MAPK8: variants seen among roughly 807,000 people sequenced by gnomAD.
The protein encoded by MAPK8 is mitogen-activated protein kinase 8.
MAPK8 carries 13 observed loss-of-function variants against 52.9 expected under a neutral mutation model. The ratio of observed to expected loss-of-function variants is 0.25; its 90% CI spans 0.16 to 0.39. The LOEUF is 0.39. Among genes scored for constraint, MAPK8 ranks in the 10% least tolerant of loss-of-function variants. MAPK8 has a pLI of 1.00. For missense variants in MAPK8, 300 were observed against 519.2 expected, an observed-to-expected ratio of 0.58 and a Z score of 4.10; for synonymous variants, 191 against 169.8, an observed-to-expected ratio of 1.12 and a Z score of -0.97.
intron 11 of MAPK8, among the ~76,000 whole-genome samples, chr10:48,431,728 T>A (rs970823484): frequency 3.9e-5 from 6 of 152,210 alleles, no homozygotes; most frequent in African/African-American, 1.2e-4. Flanking sequence ...TAGAAAGTAT[T>A]CTTTCTCTAA....
At chr10:48,370,944 G>A (rs1246825251) in intron 1 of MAPK8, among the ~76,000 whole-genome samples, 1 of 152,058 alleles carries the variant, frequency 6.6e-6, no homozygotes, top group Non-Finnish European at 1.5e-5. Context: ...GTACATTTAA[G>A]GAGTAAGAAA....
At chr10:48,313,916 G>C (rs1842238183) in intron 1 of MAPK8, among the ~76,000 whole-genome samples, 1 of 152,134 alleles carries the variant, frequency 6.6e-6, no homozygotes, top group South Asian at 2.1e-4. Flanking sequence ...ACCTGCCTTG[G>C]CCTCCAAAGT....
chr10:48,343,238 C>G (rs1564507026), intron 1 of MAPK8, among the ~76,000 whole-genome samples: 1 of 152,176 alleles, frequency 6.6e-6, no homozygotes, highest in Non-Finnish European at 1.5e-5. Flanking sequence ...TCCAGAGTCT[C>G]CAGGGGAGAA....
chr10:48,348,316 A>T (rs1037436604), intron 1 of MAPK8, among the ~76,000 whole-genome samples: 3 of 151,942 alleles, frequency 2.0e-5, no homozygotes, highest in Non-Finnish European at 4.4e-5. Context: ...GATTGCAAAA[A>T]TTTTCTCCCG....
rs532658262 is a variant in MAPK8, at chr10:48,435,629, G to A, written c.*600G>A. ...AATCCTAATTTAGTTACAAGAATTG[G>A]TAGGCAATCCTACTTAATTTTGGCA... On this transcript the variant is annotated 3_prime_UTR_variant, in exon 12 of 12. Coordinates refer to ENST00000374189, the MANE Select transcript of MAPK8 (RefSeq NM_001323329.2). The A allele has an allele frequency of 2.0e-5, 3 of 152,150 alleles. No individual in the cohort carries two copies. Among genetic ancestry groups the A allele is most frequent in the South Asian group, 2.1e-4 (1 of 4,828 alleles). 9.4% of individuals were successfully genotyped at this position (152,150 alleles called of 1,614,324 possible). A position where few individuals can be genotyped will look rare whatever the true frequency, so the allele number is the denominator to read the frequency against.
intron 1 of MAPK8, among the ~76,000 whole-genome samples, chr10:48,324,684 GTT>G (rs35042516): frequency 6.6e-6 from 1 of 151,220 alleles, no homozygotes; most frequent in South Asian, 2.1e-4. Context: ...ATTATATTTA[GTT>G]TTTTTTTGGC....
intron 1 of MAPK8, among the ~76,000 whole-genome samples, chr10:48,390,088 C>G (rs907945435): frequency 6.6e-6 from 1 of 152,028 alleles, no homozygotes; most frequent in Non-Finnish European, 1.5e-5. Flanking sequence ...GGCTCAAGAT[C>G]TAGGAAGAGC....
At chr10:48,365,354 T>C (rs978852763) in intron 1 of MAPK8, among the ~76,000 whole-genome samples, 7 of 152,164 alleles carry the variant, frequency 4.6e-5, no homozygotes, top group African/African-American at 1.7e-4. Context: ...AAATTGTACT[T>C]TCACAACTAT....
chr10:48,437,087 A>G lies in MAPK8; in HGVS notation c.*2058A>G, dbSNP rs1170953928. On this transcript the variant is annotated 3_prime_UTR_variant, in exon 12 of 12. Coordinates refer to ENST00000374189, the MANE Select transcript of MAPK8 (RefSeq NM_001323329.2). ...AGATTTTGGTTAAGTAAGGAAAACCAGGTGTGTGTCTGTATCATTTATTGT... is the reference window on the plus strand; with the variant it reads ...AGATTTTGGTTAAGTAAGGAAAACCGGGTGTGTGTCTGTATCATTTATTGT... 1 of 152,240 alleles carries G rather than the reference A, an allele frequency of 6.6e-6. No individual in the cohort carries two copies. The highest frequency in any genetic ancestry group is 1.5e-5 in the Non-Finnish European group (1 of 68,030). 9.4% of individuals were successfully genotyped at this position (152,240 alleles called of 1,614,324 possible). A position where few individuals can be genotyped will look rare whatever the true frequency, so the allele number is the denominator to read the frequency against.
At chr10:48,337,973 A>G (rs1844858906) in intron 1 of MAPK8, among the ~76,000 whole-genome samples, 1 of 152,116 alleles carries the variant, frequency 6.6e-6, no homozygotes, top group South Asian at 2.1e-4. Context: ...CAACCACAAA[A>G]AGCCCTGAAC....
intron 1 of MAPK8, among the ~76,000 whole-genome samples, chr10:48,315,521 T>C (rs1842411334): frequency 6.6e-6 from 1 of 152,038 alleles, no homozygotes. Flanking sequence ...AACAACCTTT[T>C]CATTTGTTGA....
At chr10:48,367,298 T>C (rs1848138062) in intron 1 of MAPK8, among the ~76,000 whole-genome samples, 1 of 152,004 alleles carries the variant, frequency 6.6e-6, no homozygotes, top group African/African-American at 2.4e-5. Flanking sequence ...CCCAGGAGTT[T>C]GGGGCTGCAA....
chr10:48,352,141 T>G (rs1236683183), intron 1 of MAPK8, among the ~76,000 whole-genome samples: 1 of 152,170 alleles, frequency 6.6e-6, no homozygotes, highest in Admixed American at 6.5e-5. Context: ...TAATAGAACT[T>G]TATAATTTTA....
At chr10:48,326,970 A>G (rs906788148) in intron 1 of MAPK8, among the ~76,000 whole-genome samples, 5 of 152,136 alleles carry the variant, frequency 3.3e-5, no homozygotes, top group African/African-American at 1.2e-4. Flanking sequence ...TTGTTGTTCA[A>G]TTCTTCAGAA....
chr10:48,321,835 C>G (rs987348969), intron 1 of MAPK8, among the ~76,000 whole-genome samples: 3 of 152,130 alleles, frequency 2.0e-5, no homozygotes, highest in Admixed American at 6.5e-5. Flanking sequence ...ACTCTGAATT[C>G]TATTCCATTG....
intron 1 of MAPK8, among the ~76,000 whole-genome samples, chr10:48,342,290 G>C (rs1415469226): frequency 6.6e-6 from 1 of 151,820 alleles, no homozygotes; most frequent in African/African-American, 2.4e-5. Context: ...ATTTTGTAGA[G>C]ACAAGGTCTC....
At chr10:48,307,476 C>T (rs1841502685) in intron 1 of MAPK8, among the ~76,000 whole-genome samples, 1 of 152,048 alleles carries the variant, frequency 6.6e-6, no homozygotes, top group African/African-American at 2.4e-5. Flanking sequence ...GCGCGCATTT[C>T]TCTTGAGGGT....
intron 1 of MAPK8, among the ~76,000 whole-genome samples, chr10:48,386,642 G>A (rs778667483): frequency 6.6e-6 from 1 of 152,024 alleles, no homozygotes; most frequent in Non-Finnish European, 1.5e-5. Flanking sequence ...TATCATTTCC[G>A]TTACTTATAT....
intron 1 of MAPK8, among the ~76,000 whole-genome samples, chr10:48,394,116 A>G (rs552210563): frequency 1.3e-5 from 2 of 152,090 alleles, no homozygotes; most frequent in South Asian, 4.1e-4. Context: ...CCCTATGTTT[A>G]TAAGAGAATG....
Sources: allele counts gnomAD v4.1 joint callset (sites outside exome capture counted in the v4.1 genomes callset), GRCh38; gene constraint gnomAD v4.1.1; transcripts MANE v1.5; gene names NCBI Gene and HGNC (gene_info 2026-07-23, HGNC 2026-07-21).